The following RNGTT variants were observed in gnomAD, a reference collection of about 807,000 sequenced individuals.
RNGTT encodes RNA guanylyltransferase and 5'-phosphatase.
A neutral mutation model predicts 79.3 loss-of-function variants in RNGTT; 33 were observed. The observed-to-expected ratio is 0.42, with a 90% CI of 0.32 to 0.56. RNGTT has a LOEUF of 0.56. RNGTT is among the 20% of genes least tolerant of loss of function. RNGTT has a pLI of 0.17. For missense variants in RNGTT, 497 were observed against 739.1 expected (o/e 0.67, Z 3.80); for synonymous variants, 222 against 235.9 (o/e 0.94, Z 0.54).
intron 14 of RNGTT, among the ~76,000 whole-genome samples, chr6:88,624,427 C>T (rs1360576835): frequency 6.6e-6 from 1 of 151,738 alleles, no homozygotes; most frequent in Non-Finnish European, 1.5e-5. Flanking sequence ...AATAAATCCA[C>T]AAATATAAGG....
chr6:88,638,541 A>G (rs925115392), intron 14 of RNGTT, among the ~76,000 whole-genome samples: 1 of 152,192 alleles, frequency 6.6e-6, no homozygotes, highest in Non-Finnish European at 1.5e-5. Context: ...GATAAGTTCA[A>G]TGTTCTACCT....
Position 88,610,003 on chromosome 6 carries a change from T to A in RNGTT, c.*2716A>T, listed in dbSNP as rs1423507352. Reference sequence around the variant, plus strand: ...CATACAGTAGACTGCTAAGATTAGATGAAGAGAAATAATATAAACATCATA... The same window carrying A: ...CATACAGTAGACTGCTAAGATTAGAAGAAGAGAAATAATATAAACATCATA... On this transcript the variant is annotated 3_prime_UTR_variant, in exon 16 of 16. Transcript: ENST00000369485. 6.6e-6 allele frequency among the ~76,000 whole-genome samples: 1 copy of A among 152,232 alleles called. No individual in the cohort carries two copies. The highest frequency in any genetic ancestry group is 1.5e-5 in the Non-Finnish European group (1 of 68,044).
chr6:88,710,526 ATTTAAAACTCTTCTCTT>A (rs1776283115), intron 13 of RNGTT, among the ~76,000 whole-genome samples: 1 of 152,200 alleles, frequency 6.6e-6, no homozygotes, highest in African/African-American at 2.4e-5. Flanking sequence ...CAAGCATGAT[ATTTAAAACTCTTCTCTT>A]TTTAAAATGC....
chr6:88,790,124 A>C (rs1466009190), intron 12 of RNGTT, among the ~76,000 whole-genome samples: 2 of 152,234 alleles, frequency 1.3e-5, no homozygotes, highest in African/African-American at 4.8e-5. Flanking sequence ...ATTTTAAAAG[A>C]TAGAAAGTAC....
At chr6:88,960,636 G>T (rs1048393765) in intron 1 of RNGTT, among the ~76,000 whole-genome samples, 1 of 152,170 alleles carries the variant, frequency 6.6e-6, no homozygotes, top group Non-Finnish European at 1.5e-5. Context: ...TTATAAGTTT[G>T]TTTTCTTCCA....
intron 13 of RNGTT, among the ~76,000 whole-genome samples, chr6:88,708,349 G>A (rs1776208973): frequency 6.6e-6 from 1 of 152,052 alleles, no homozygotes; most frequent in Non-Finnish European, 1.5e-5. Flanking sequence ...TTAGCTCACT[G>A]ACCATTGTCC....
chr6:88,745,622 T>C (rs1259817180), intron 13 of RNGTT, among the ~76,000 whole-genome samples: 1 of 152,230 alleles, frequency 6.6e-6, no homozygotes, highest in Non-Finnish European at 1.5e-5. Flanking sequence ...GTGACTCACA[T>C]ATTTCTATAG....
chr6:88,917,231 G>A (rs1025118757), intron 4 of RNGTT, among the ~76,000 whole-genome samples: 1 of 152,064 alleles, frequency 6.6e-6, no homozygotes, highest in African/African-American at 2.4e-5. Flanking sequence ...ACTATCAATT[G>A]AGCCAAATCA....
intron 14 of RNGTT, among the ~76,000 whole-genome samples, chr6:88,623,835 G>C (rs1040476271): frequency 4.6e-5 from 7 of 152,008 alleles, no homozygotes; most frequent in Non-Finnish European, 7.4e-5. Context: ...TATACAAAGA[G>C]GCTCCTAGAA....
chr6:88,811,447 G>T (rs555183810), intron 11 of RNGTT, among the ~76,000 whole-genome samples: 1 of 152,242 alleles, frequency 6.6e-6, no homozygotes, highest in African/African-American at 2.4e-5. Flanking sequence ...GTTACCATAT[G>T]ATTGACTCTG....
intron 13 of RNGTT, among the ~76,000 whole-genome samples, chr6:88,712,092 G>A (rs1776338215): frequency 6.6e-6 from 1 of 151,900 alleles, no homozygotes; most frequent in South Asian, 2.1e-4. Context: ...ATCAGAAAGG[G>A]GTCACATGTT....
At chr6:88,641,060 GC>G (rs1368697931) in intron 14 of RNGTT, among the ~76,000 whole-genome samples, 1 of 152,140 alleles carries the variant, frequency 6.6e-6, no homozygotes, top group Non-Finnish European at 1.5e-5. Context: ...AAGACGACCG[GC>G]CGGGTGCGGT....
At chr6:88,900,768 C>T (rs1401097472) in intron 6 of RNGTT, among the ~76,000 whole-genome samples, 1 of 139,652 alleles carries the variant, frequency 7.2e-6, no homozygotes, top group African/African-American at 2.7e-5. Context: ...AAAAAAAAAA[C>T]AAGAAAATAT....
At chr6:88,727,543 T>C (rs946263755) in intron 13 of RNGTT, among the ~76,000 whole-genome samples, 3 of 152,228 alleles carry the variant, frequency 2.0e-5, no homozygotes. Context: ...AATCTTACTT[T>C]ATGGTCAGAC....
intron 12 of RNGTT, among the ~76,000 whole-genome samples, chr6:88,800,352 C>T (rs1233157038): frequency 1.3e-5 from 2 of 152,144 alleles, no homozygotes; most frequent in Non-Finnish European, 2.9e-5. Flanking sequence ...GTGCTCAAAA[C>T]ATTATAAATT....
At chr6:88,869,861 G>T (rs1320510310) in intron 8 of RNGTT, among the ~76,000 whole-genome samples, 2 of 151,956 alleles carry the variant, frequency 1.3e-5, no homozygotes, top group Admixed American at 6.6e-5. Flanking sequence ...AATTTGATTT[G>T]TTCTAGTTAT....
chr6:88,891,441 T>C (rs1388265370), intron 7 of RNGTT, among the ~76,000 whole-genome samples: 1 of 152,120 alleles, frequency 6.6e-6, no homozygotes, highest in African/African-American at 2.4e-5. Context: ...TAAAGCTGAT[T>C]TTCCTAGACT....
At chr6:88,955,346 C>G (rs566365955) in intron 1 of RNGTT, among the ~76,000 whole-genome samples, 1 of 151,738 alleles carries the variant, frequency 6.6e-6, no homozygotes, top group African/African-American at 2.4e-5. Context: ...GTCAGGAGTT[C>G]GAGACCAGCC....
intron 13 of RNGTT, among the ~76,000 whole-genome samples, chr6:88,765,332 T>G (rs1037810246): frequency 1.3e-5 from 2 of 152,150 alleles, no homozygotes; most frequent in Non-Finnish European, 2.9e-5. Flanking sequence ...TAATACAGAG[T>G]TATGTTTTTA....
Sources: gnomAD v4.1 joint callset for allele counts (sites outside exome capture counted in the v4.1 genomes callset) on GRCh38, gnomAD v4.1.1 for gene constraint, MANE v1.5 for transcripts, NCBI Gene and HGNC (gene_info 2026-07-23, HGNC 2026-07-21) for gene names.